Variants in AFF3 observed in about 807,000 individuals in gnomAD.
The protein encoded by AFF3 is AF4/FMR2 family member 3.
AFF3 carries 32 observed loss-of-function variants against 129.7 expected under a neutral mutation model. The ratio of observed to expected loss-of-function variants is 0.25; its 90% CI spans 0.19 to 0.33. AFF3 has a LOEUF of 0.33. AFF3 is among the 10% of genes least tolerant of loss of function. The pLI is 1.00. For synonymous variants in AFF3, 644 were observed against 635.4 expected (o/e 1.01, Z -0.20); for missense variants, 1,373 against 1,592.0 (o/e 0.86, Z 2.34).
intron 1 of AFF3, 144 bp downstream of exon 1, chr2:100,142,340 G>T (rs1375681866): frequency 3.3e-5 from 5 of 151,638 alleles, no homozygotes; most frequent in African/African-American, 1.2e-4. Flanking sequence ...CGGTGAGGCT[G>T]ACCAAGAATG....
chr2:99,889,627 T>G (rs1030664601), intron 7 of AFF3, among the ~76,000 whole-genome samples: 7 of 152,172 alleles, frequency 4.6e-5, no homozygotes, highest in African/African-American at 1.7e-4. Context: ...GTAGAGGGCC[T>G]TAGAAGAGGA....
At chr2:99,749,299 TA>T (rs1681431100) in intron 9 of AFF3, among the ~76,000 whole-genome samples, 1 of 152,214 alleles carries the variant, frequency 6.6e-6, no homozygotes, top group Non-Finnish European at 1.5e-5. Flanking sequence ...TCAATAGAGC[TA>T]AAAAATGAAA....
At chr2:99,926,097 T>C (rs980238141) in intron 7 of AFF3, among the ~76,000 whole-genome samples, 5 of 152,172 alleles carry the variant, frequency 3.3e-5, no homozygotes, top group Non-Finnish European at 7.3e-5. Context: ...GATACAAAAA[T>C]AAATAATTTG....
intron 2 of AFF3, among the ~76,000 whole-genome samples, chr2:100,110,575 A>C (rs1021907622): frequency 2.6e-5 from 4 of 152,232 alleles, no homozygotes; most frequent in Non-Finnish European, 4.4e-5. Context: ...CCAAAATTGC[A>C]TCTTAATGGG....
intron 7 of AFF3, among the ~76,000 whole-genome samples, chr2:99,899,157 A>C (rs17352304): frequency 0.091 from 13,866 of 152,240 alleles, 962 homozygotes; most frequent in Non-Finnish European, 0.13. Context: ...ATAAGAAAAC[A>C]AAAATGCCTA....
intron 4 of AFF3, among the ~76,000 whole-genome samples, chr2:100,096,596 C>T (rs987173364): frequency 6.8e-6 from 1 of 148,050 alleles, no homozygotes; most frequent in African/African-American, 2.5e-5. Flanking sequence ...GTCTGTGGAC[C>T]AAAACTAATA....
At chr2:100,015,262 C>T (rs1183837910) in intron 4 of AFF3, among the ~76,000 whole-genome samples, 3 of 152,116 alleles carry the variant, frequency 2.0e-5, no homozygotes, top group African/African-American at 7.2e-5. Flanking sequence ...AGAGTGGATG[C>T]AGAGGACACA....
intron 4 of AFF3, among the ~76,000 whole-genome samples, chr2:100,013,618 T>C (rs979573232): frequency 6.6e-6 from 1 of 152,012 alleles, no homozygotes; most frequent in Non-Finnish European, 1.5e-5. Flanking sequence ...ACAAGCCCAG[T>C]AGTGAGAAGT....
intron 13 of AFF3, among the ~76,000 whole-genome samples, chr2:99,614,043 G>C (rs528932921): frequency 1.3e-5 from 2 of 152,204 alleles, no homozygotes; most frequent in South Asian, 4.1e-4. Context: ...CCCGGGGCAG[G>C]AACCTTAGAG....
rs372714045 is a variant in AFF3 at position 99,719,910 on chromosome 2, G to A, written c.1091+7167C>T. On this transcript the variant is annotated intron_variant, in intron 11 of 24. Coordinates refer to ENST00000672756, the MANE Select transcript of AFF3 (RefSeq NM_001386135.1). The stretch of plus-strand genomic sequence containing the variant: ...AAATTAGCCGGGCATGGTGGCGGGC[G>A]CCTGTAGTCCCAGCTACTCAGGAGG... Among the ~76,000 whole-genome samples the A allele has an allele frequency of 7.2e-4, 109 of 152,182 alleles. 1 individual carries two copies. In the East Asian group the frequency reaches 0.013, roughly 18 times the overall value.
chr2:99,681,924 T>TTTTTA (rs1674568155), intron 11 of AFF3, among the ~76,000 whole-genome samples: 1 of 151,414 alleles, frequency 6.6e-6, no homozygotes, highest in East Asian at 1.9e-4. Flanking sequence ...TTTTTTTTTT[T>TTTTTA]GAGACGGAGT....
intron 19 of AFF3, 97 bp downstream of exon 19, chr2:99,568,755 A>G: frequency 8.1e-7 from 1 of 1,228,998 alleles, no homozygotes; most frequent in Non-Finnish European, 1.2e-6. Flanking sequence ...CATCCTTGTA[A>G]TAGATTTTAT....
At chr2:99,574,482 G>A (rs1431993139) in intron 18 of AFF3, among the ~76,000 whole-genome samples, 2 of 151,994 alleles carry the variant, frequency 1.3e-5, no homozygotes, top group Non-Finnish European at 2.9e-5. Context: ...CTAGGAAAAC[G>A]GGCTTGGAAA....
At chr2:99,620,364 C>T (rs1287962439) in intron 13 of AFF3, among the ~76,000 whole-genome samples, 2 of 152,146 alleles carry the variant, frequency 1.3e-5, no homozygotes, top group African/African-American at 2.4e-5. Flanking sequence ...TCTGGTGACT[C>T]ACACCTGTAT....
At chr2:100,135,852 G>A (rs1016396613) in intron 1 of AFF3, among the ~76,000 whole-genome samples, 4 of 152,194 alleles carry the variant, frequency 2.6e-5, no homozygotes, top group Admixed American at 2.6e-4. Context: ...GAGAGCAGGG[G>A]AGAGACCATA....
At chr2:99,640,042 C>A (rs1018470906) in intron 13 of AFF3, among the ~76,000 whole-genome samples, 2 of 152,074 alleles carry the variant, frequency 1.3e-5, no homozygotes, top group African/African-American at 4.8e-5. Flanking sequence ...CAGGTGGTAG[C>A]CTCCTCGGAG....
At chr2:100,038,275 C>T (rs1685140353) in intron 4 of AFF3, among the ~76,000 whole-genome samples, 1 of 151,884 alleles carries the variant, frequency 6.6e-6, no homozygotes. Context: ...CTTACTCCCG[C>T]AGATTAAAAC....
intron 7 of AFF3, among the ~76,000 whole-genome samples, chr2:99,979,230 C>T (rs1367011063): frequency 6.6e-6 from 1 of 152,068 alleles, no homozygotes; most frequent in African/African-American, 2.4e-5. Flanking sequence ...AAGATTTATA[C>T]TGAACTCCAC....
intron 4 of AFF3, among the ~76,000 whole-genome samples, chr2:100,099,090 G>T (rs1690517308): frequency 7.2e-6 from 1 of 139,446 alleles, no homozygotes; most frequent in South Asian, 2.4e-4. Flanking sequence ...AGTACACGCA[G>T]CTCTGCAGAG....
Sources: gnomAD v4.1 joint callset for allele counts (sites outside exome capture counted in the v4.1 genomes callset) on GRCh38, gnomAD v4.1.1 for gene constraint, MANE v1.5 for transcripts, NCBI Gene and HGNC (gene_info 2026-07-23, HGNC 2026-07-21) for gene names.